ITIH1: variants seen among roughly 807,000 people sequenced by gnomAD.
The protein encoded by ITIH1 is inter-alpha-trypsin inhibitor heavy chain H1.
In ITIH1, 94 loss-of-function variants were observed where a neutral mutation model predicts 104.6. The observed-to-expected ratio is 0.90, with a 90% CI of 0.76 to 1.07. ITIH1 has a LOEUF of 1.07. ITIH1 is among the 50% of genes least tolerant of loss of function. The pLI, the probability that ITIH1 is intolerant of heterozygous loss-of-function variation, is 0.00. For synonymous variants in ITIH1, 455 were observed against 464.4 expected, an observed-to-expected ratio of 0.98 and a Z score of 0.26; for missense variants, 1,193 against 1,181.4, an observed-to-expected ratio of 1.01 and a Z score of -0.14.
In ITIH1 at chr3:52,781,276, T is replaced by G. The variant is rs1034861118; in HGVS notation, c.688-664T>G. On this transcript the variant is annotated intron_variant, in intron 6 of 21. Coordinates refer to ENST00000273283, the MANE Select transcript of ITIH1 (RefSeq NM_002215.4). ...TTCTTCTTCTTCTTCTTCTTCTTCT[T>G]CTTCTTCTTCCTCTTCTTCTTCTTC... is the stretch of plus-strand genomic sequence containing the variant. Among the ~76,000 whole-genome samples, 75 of 126,098 alleles carry G rather than the reference T, an allele frequency of 5.9e-4. 1 individual carries two copies. Among genetic ancestry groups the G allele is most frequent in the Non-Finnish European group, 9.8e-4 (55 of 55,864 alleles). The allele number at this position is 126,098 out of a possible 152,430, so 82.7% of individuals were successfully genotyped here.
chr3:52,777,869 C>T (rs1559459394), intron 1 of ITIH1, 128 bp from the exon 2 acceptor site: 1 of 1,386,304 alleles, frequency 7.2e-7, no homozygotes, highest in Non-Finnish European at 1.0e-6. Flanking sequence ...GGTGACCTCC[C>T]AGCACCACCA....
Position 52,786,964 on chromosome 3 carries a change from G to A in ITIH1, c.1753G>A (p.Glu585Lys), listed in dbSNP as rs766399601. The change falls in exon 14 of 22, where the codon GAG becomes AAG. Residue 585 changes from glutamate (E) to lysine (K), a missense_variant. Physicochemically the swap from Glu to Lys is moderately conservative, Grantham distance 56 (BLOSUM62 1). Coordinates refer to ENST00000273283, the MANE Select transcript of ITIH1 (RefSeq NM_002215.4). ...ATGCAGGATGAAGGTGGACAGGGAG[G>A]AGAGGGCCAACCTGTCATCCCAGGC... The part of the protein sequence containing the change: ...LAKRMKVDRE[E>K]RANLSSQALQ... The A allele has an allele frequency of 1.2e-6, 2 of 1,613,612 alleles. No homozygotes were observed. The highest frequency in any genetic ancestry group is 3.3e-5 in the Admixed American group (2 of 60,000).
Position 52,778,003 on chromosome 3 carries a change from C to T in ITIH1, c.124C>T (p.Gln42Ter), listed in dbSNP as rs752356621. 3.1e-6 allele frequency: 5 copies of T among 1,614,118 alleles called. No homozygotes were observed. The East Asian group carries it at 6.7e-5, about 22-fold the overall frequency. The change falls in exon 2 of 22, where the codon CAG becomes TAG. Residue 42 changes from glutamine to a stop codon, truncating the protein, a stop_gained. Transcript: ENST00000273283. LOFTEE classifies it high-confidence loss of function. ...CCCTGATTTTGTTTTGCAGAAGCGA[C>T]AGGCTGTGGACACCGTGAGTAAGAG... Reference protein sequence around the residue: ...TGRSKSSEKRQAVDTAVDGVF... With the variant: ...TGRSKSSEKR
At chr3:52,778,766 C>A in intron 3 of ITIH1, 176 bp from the exon 4 acceptor site, 2 of 1,205,502 alleles carry the variant, frequency 1.7e-6, no homozygotes, top group Non-Finnish European at 2.3e-6. Context: ...AGGCTTCTTG[C>A]TGGCCTCTGA....
At position 52,784,458 on chromosome 3, in the gene ITIH1, A is replaced by G. The variant is rs141983482; in HGVS notation, c.1388A>G (p.Asp463Gly). The change falls in exon 11 of 22, where the codon GAT becomes GGT. Residue 463 changes from aspartate to glycine, a missense_variant. Coordinates refer to ENST00000273283, the MANE Select transcript of ITIH1 (RefSeq NM_002215.4). ...GCCCAGAGAATCTACGAGGACCATG[A>G]TGCCACCCAGCAGCTGCAGGTCTCC... is the stretch of plus-strand genomic sequence containing the variant. Reference protein sequence around the residue: ...GRAQRIYEDHDATQQLQGFYS... With the variant: ...GRAQRIYEDHGATQQLQGFYS... The G allele has an allele frequency of 6.2e-6, 10 of 1,613,926 alleles. No homozygotes were observed. The African/African-American group carries it at 9.3e-5, about 15-fold the overall frequency.
intron 6 of ITIH1, among the ~76,000 whole-genome samples, chr3:52,781,251 TTCTTC>T (rs1699043228): frequency 8.2e-6 from 1 of 122,542 alleles, no homozygotes; most frequent in Non-Finnish European, 1.8e-5. Context: ...CTTCTTCTTC[TTCTTC>T]TTCTTCTTCT....
At chr3:52,789,314 C>T (rs1425475595) in intron 18 of ITIH1, among the ~76,000 whole-genome samples, 1 of 151,948 alleles carries the variant, frequency 6.6e-6, no homozygotes, top group East Asian at 1.9e-4. Flanking sequence ...TGAAGAGGTC[C>T]CACAATGCAT....
At chr3:52,784,974 CTT>C in intron 11 of ITIH1, 68 bp from the exon 12 acceptor site, 2 of 1,505,520 alleles carry the variant, frequency 1.3e-6, no homozygotes, top group African/African-American at 2.7e-5. Flanking sequence ...CAACACTCCA[CTT>C]TGTGGGCAGG....
chr3:52,782,846 C>G, intron 8 of ITIH1, 111 bp from the exon 9 acceptor site: 1 of 1,090,540 alleles, frequency 9.2e-7, no homozygotes, highest in Admixed American at 2.1e-5. Context: ...GTCCTATCTC[C>G]TCCTGCTTGT....
intron 15 of ITIH1, 92 bp downstream of exon 15, chr3:52,787,294 C>T: frequency 6.5e-7 from 1 of 1,528,394 alleles, no homozygotes; most frequent in East Asian, 2.2e-5. Flanking sequence ...CTCCCCATCC[C>T]CATTCTTCCC....
At chr3:52,780,002 G>A (rs994324231) in intron 5 of ITIH1, 2 of 1,387,102 alleles carry the variant, frequency 1.4e-6, no homozygotes, top group Non-Finnish European at 1.9e-6. Context: ...TTTTTGGAGT[G>A]CCTACTGAGT....
Position 52,786,405 on chromosome 3 carries a change from C to T in ITIH1, c.1704C>T (p.Tyr568=). ...ACCACGTCGAGCGCCTCTGGGCCTA[C>T]CTCACCATCCAGGAGCTGCTGGCCA... The part of the protein sequence containing the change: ...LENHVERLWA[Y]LTIQELLAKR... The change falls in exon 13 of 22, where the codon TAC becomes TAT. Residue 568 remains tyrosine, a synonymous_variant. Transcript: ENST00000273283. 6.3e-7 allele frequency: 1 copy of T among 1,586,228 alleles called. No individual in the cohort carries two copies.
chr3:52,780,250 A>T lies in ITIH1; in HGVS notation c.574-19A>T, dbSNP rs1350898717. 8 of 1,562,278 alleles carry T rather than the reference A, an allele frequency of 5.1e-6. No homozygotes were observed. The highest frequency in any genetic ancestry group is 7.0e-6 in the Non-Finnish European group (8 of 1,141,010). ...TCCCATCTTTTTTTTTAAAAAAATA[A>T]TTTGCTTCAATGTTGCAGATTGATG... On this transcript the variant is annotated intron_variant, in intron 5 of 21. Coordinates refer to ENST00000273283, the MANE Select transcript of ITIH1 (RefSeq NM_002215.4).
chr3:52,786,486 C>G, intron 13 of ITIH1, 52 bp downstream of exon 13: 1 of 1,533,272 alleles, frequency 6.5e-7, no homozygotes, highest in Non-Finnish European at 8.8e-7. Flanking sequence ...CAGAGTCCCC[C>G]CACCCCTTGG....
In ITIH1 at chr3:52,779,725, G is replaced by A; in HGVS notation, c.573+131G>A. ...CAGGGATGGGGACTAACCCCTCAGG[G>A]TGAGCTCTGATGTGCTCTTCTTGGG... On this transcript the variant is annotated intron_variant, in intron 5 of 21. Transcript: ENST00000273283. This position sits in a 1 kb window ranked among gnomAD's most constrained non-coding sequence, Gnocchi z 4.4. 8.5e-7 allele frequency: 1 copy of A among 1,183,290 alleles called. No individual in the cohort carries two copies. The highest frequency in any genetic ancestry group is 1.2e-6 in the Non-Finnish European group (1 of 801,404). The allele number at this position is 1,183,290 out of a possible 1,614,324, so 73.3% of individuals were successfully genotyped here. A position where few individuals can be genotyped will look rare whatever the true frequency, so the allele number is the denominator to read the frequency against.
At position 52,785,238 on chromosome 3, in the gene ITIH1, T is replaced by TG. The variant is rs1232571802; in HGVS notation, c.1593+12dup. 6.2e-7 allele frequency: 1 copy of TG among 1,613,528 alleles called. No individual in the cohort carries two copies. The highest frequency in any genetic ancestry group is 1.7e-5 in the Admixed American group (1 of 60,006). On this transcript the variant is annotated intron_variant, in intron 12 of 21. Coordinates refer to ENST00000273283, the MANE Select transcript of ITIH1 (RefSeq NM_002215.4). ...ATGTGCAGGCCCATGGGGTAAATGG[T>TG]GGGCCATGGAGGGTGGAGAGGCCAG...
At chr3:52,789,202 G>A (rs1354038966) in intron 18 of ITIH1, among the ~76,000 whole-genome samples, 1 of 152,180 alleles carries the variant, frequency 6.6e-6, no homozygotes, top group South Asian at 2.1e-4. Flanking sequence ...ACAAACAGGT[G>A]AACATTCTGA....
Position 52,781,203 on chromosome 3 carries a change from TTTTTTTTCTTCTTCTTCTTC to T in ITIH1, c.688-734_688-715del, listed in dbSNP as rs1699027825. 3.1e-4 allele frequency among the ~76,000 whole-genome samples: 38 copies of T among 122,692 alleles called. 1 individual carries two copies. Among genetic ancestry groups the T allele is most frequent in the African/African-American group, 1.3e-3 (35 of 27,390 alleles). The allele number at this position is 122,692 out of a possible 152,430, so 80.5% of individuals were successfully genotyped here. On this transcript the variant is annotated intron_variant, in intron 6 of 21. Transcript: ENST00000273283. ...TCCTTCACCTCCTCCTCTTCTTTTT[TTTTTTTTCTTCTTCTTCTTC>T]TTCTTCTTCTTCTTCTTCTTCTTCT...
chr3:52,787,010 A>G lies in ITIH1; in HGVS notation c.1799A>G (p.Tyr600Cys), dbSNP rs374040082. ...SSQALQMSLD[Y>C]GFVTPLTSMS... ...CAGGCCCTGCAGATGTCGCTGGACT[A>G]TGGGTTTGTGACCCCACTGACCTCC... The change falls in exon 14 of 22, where the codon TAT becomes TGT. Residue 600 changes from tyrosine to cysteine, a missense_variant. Coordinates refer to ENST00000273283, the MANE Select transcript of ITIH1 (RefSeq NM_002215.4). 7.4e-6 allele frequency: 12 copies of G among 1,614,034 alleles called. No homozygotes were observed. Among genetic ancestry groups the G allele is most frequent in the Admixed American group, 6.7e-5 (4 of 60,002 alleles).
Sources: allele counts gnomAD v4.1 joint callset (sites outside exome capture counted in the v4.1 genomes callset), GRCh38; gene constraint gnomAD v4.1.1; non-coding constraint Gnocchi (gnomAD v3.1); transcripts MANE v1.5; gene names NCBI Gene and HGNC (gene_info 2026-07-23, HGNC 2026-07-21).